TUSC3: variants seen among roughly 807,000 people sequenced by gnomAD.
TUSC3 encodes the protein tumor suppressor candidate 3, also known as dolichyl-diphosphooligosaccharide--protein glycosyltransferase subunit TUSC3.
In TUSC3, 45 loss-of-function variants were observed where a neutral mutation model predicts 44.8. That is an observed-to-expected ratio of 1.00 (90% confidence interval 0.79 to 1.29). TUSC3 has a LOEUF of 1.29. TUSC3 is among the 50% of genes most tolerant of loss of function. The pLI is 0.00. For missense variants in TUSC3, 519 were observed against 437.9 expected (o/e 1.19, Z -1.65); for synonymous variants, 212 against 152.9 (o/e 1.39, Z -2.85).
chr8:15,794,338 C>G, the TUSC3 span, among the ~76,000 whole-genome samples: 1 of 152,068 alleles, frequency 6.6e-6, no homozygotes, highest in African/African-American at 2.4e-5. Context: ...AGAGGGGTGA[C>G]TGTTGGGCCT....
rs894065474 is a variant in TUSC3, at chr8:15,503,931, C to A, written n.189+20448C>A. 1.3e-5 allele frequency among the ~76,000 whole-genome samples: 2 copies of A among 149,338 alleles called. 1 individual carries two copies. The highest frequency in any genetic ancestry group is 4.3e-4 in the South Asian group (2 of 4,690). On this transcript the variant is annotated intron_variant and non_coding_transcript_variant, in intron 2 of 5. Transcript: ENST00000503191. ...TTGGGAGGCTGAGGCACAAGAATTGCTTGAACAGGGGAGGTGGAGTTGCAG... is the reference window on the plus strand; with the variant it reads ...TTGGGAGGCTGAGGCACAAGAATTGATTGAACAGGGGAGGTGGAGTTGCAG...
chr8:15,474,018 C>A (rs921780171), intron 1 of TUSC3, among the ~76,000 whole-genome samples: 14 of 152,084 alleles, frequency 9.2e-5, no homozygotes, highest in African/African-American at 3.4e-4. Context: ...ACTCCCAGAG[C>A]AACTGTTTAT....
chr8:15,747,212 A>G (rs908368334), intron 8 of TUSC3, among the ~76,000 whole-genome samples: 1 of 152,094 alleles, frequency 6.6e-6, no homozygotes, highest in African/African-American at 2.4e-5. Flanking sequence ...TATATTGGAA[A>G]AAATTTTAAA....
At chr8:15,699,645 C>T (rs938028902) in intron 6 of TUSC3, among the ~76,000 whole-genome samples, 1 of 152,030 alleles carries the variant, frequency 6.6e-6, no homozygotes, top group Admixed American at 6.6e-5. Flanking sequence ...TGACATTTTC[C>T]CTTTAATATG....
intron 2 of TUSC3, among the ~76,000 whole-genome samples, chr8:15,514,952 A>G (rs1396554916): frequency 3.3e-5 from 5 of 152,206 alleles, no homozygotes; most frequent in Admixed American, 2.6e-4. Flanking sequence ...CTGTAGGTTC[A>G]ATGCCTGACA....
In TUSC3 at chr8:15,435,048, C is replaced by A. The variant is rs915588305; in HGVS notation, n.91+17743C>A. Reference sequence around the variant, plus strand: ...TGATTTATAATCCTTTGGGTATATACCCAGTAATGGGATGGCTGGGTCAAA... The same window carrying A: ...TGATTTATAATCCTTTGGGTATATAACCAGTAATGGGATGGCTGGGTCAAA... On this transcript the variant is annotated intron_variant and non_coding_transcript_variant, in intron 1 of 5. Coordinates refer to the TUSC3 transcript ENST00000503191. Among the ~76,000 whole-genome samples, 12 of 148,088 alleles carry A rather than the reference C, an allele frequency of 8.1e-5. 1 individual carries two copies. The highest frequency in any genetic ancestry group is 3.1e-4 in the African/African-American group (12 of 38,200).
chr8:15,819,852 G>C, the TUSC3 span, among the ~76,000 whole-genome samples: 2 of 152,158 alleles, frequency 1.3e-5, no homozygotes, highest in Non-Finnish European at 2.9e-5. Flanking sequence ...TATGATAAAA[G>C]ACAGAAGTGG....
At chr8:15,512,118 T>A (rs1801145515) in intron 2 of TUSC3, among the ~76,000 whole-genome samples, 1 of 152,226 alleles carries the variant, frequency 6.6e-6, no homozygotes, top group Admixed American at 6.5e-5. Flanking sequence ...CAAAACTTAC[T>A]ATAAAGCTAT....
At chr8:15,709,653 T>C (rs1379959484) in intron 6 of TUSC3, among the ~76,000 whole-genome samples, 1 of 151,898 alleles carries the variant, frequency 6.6e-6, no homozygotes, top group East Asian at 1.9e-4. Flanking sequence ...AAATTACCTT[T>C]AATGTGTTAG....
At chr8:15,767,795 T>C (rs1412577753), downstream of TUSC3, among the ~76,000 whole-genome samples, 3 of 152,098 alleles carry the variant, frequency 2.0e-5, no homozygotes, top group Non-Finnish European at 4.4e-5. Context: ...CTTGAAAGCA[T>C]TGAAAGTAAA....
chr8:15,572,245 C>T lies in TUSC3; in HGVS notation c.138+31677C>T, dbSNP rs932425908. On this transcript the variant is annotated intron_variant, in intron 1 of 10. Coordinates refer to ENST00000503731, the MANE Select transcript of TUSC3 (RefSeq NM_006765.4). Reference sequence around the variant, plus strand: ...CTGGGTAATTTGCTGCAGCTTCTTGCAGCATAAACACTTGCTGCTTCATCT... The same window carrying T: ...CTGGGTAATTTGCTGCAGCTTCTTGTAGCATAAACACTTGCTGCTTCATCT... Among the ~76,000 whole-genome samples, 11 of 152,304 alleles carry T rather than the reference C, an allele frequency of 7.2e-5. No individual in the cohort carries two copies. In the East Asian group the frequency reaches 2.1e-3, roughly 29 times the overall value.
At chr8:15,552,321 G>T (rs1489296812) in intron 1 of TUSC3, among the ~76,000 whole-genome samples, 1 of 151,834 alleles carries the variant, frequency 6.6e-6, no homozygotes, top group South Asian at 2.1e-4. Flanking sequence ...AATACTACAT[G>T]TTAGGTAGGT....
chr8:15,846,924 A>G, the TUSC3 span, among the ~76,000 whole-genome samples: 34 of 152,092 alleles, frequency 2.2e-4, no homozygotes, highest in African/African-American at 8.0e-4. Flanking sequence ...GGGGGAATAA[A>G]TGATTCATAA....
intron 7 of TUSC3, among the ~76,000 whole-genome samples, chr8:15,731,829 G>A (rs147079421): frequency 4.6e-5 from 7 of 152,076 alleles, no homozygotes; most frequent in Middle Eastern, 3.4e-3. Flanking sequence ...AAATCTACTG[G>A]CAAAGACTTA....
At position 15,658,455 on chromosome 8, in the gene TUSC3, G is replaced by A. The variant is rs138138170; in HGVS notation, c.427-1052G>A. ...GCAGCTAAGCTTTTACTGTTGTATC[G>A]TTTGCTTGATATCAACTGTGATCTA... On this transcript the variant is annotated intron_variant, in intron 3 of 10. Coordinates refer to ENST00000503731, the MANE Select transcript of TUSC3 (RefSeq NM_006765.4). Among the ~76,000 whole-genome samples the A allele has an allele frequency of 8.8e-4, 133 of 151,946 alleles. 1 individual carries two copies. Among genetic ancestry groups the A allele is most frequent in the African/African-American group, 3.0e-3 (123 of 41,452 alleles).
chr8:15,474,427 A>C (rs1800547607), intron 1 of TUSC3, among the ~76,000 whole-genome samples: 1 of 152,148 alleles, frequency 6.6e-6, no homozygotes, highest in Non-Finnish European at 1.5e-5. Context: ...GAAACTGGTG[A>C]ATGTCCATGA....
intron 2 of TUSC3, among the ~76,000 whole-genome samples, chr8:15,520,028 T>C (rs1366978050): frequency 6.6e-6 from 1 of 152,206 alleles, no homozygotes; most frequent in East Asian, 1.9e-4. Flanking sequence ...ATGTTGTCCT[T>C]GGAGCCCCCA....
intron 3 of TUSC3, among the ~76,000 whole-genome samples, chr8:15,654,357 C>T (rs758358577): frequency 5.9e-5 from 9 of 151,958 alleles, no homozygotes; most frequent in Middle Eastern, 3.2e-3. Context: ...GTTTAAGGAA[C>T]GTTGCTAAAT....
chr8:15,650,980 C>T, intron 3 of TUSC3, 166 bp downstream of exon 3: 1 of 578,668 alleles, frequency 1.7e-6, no homozygotes, highest in South Asian at 1.7e-5. Context: ...CAGAGCAAGA[C>T]TTTTACACAC....
Sources: gnomAD v4.1 joint callset for allele counts (sites outside exome capture counted in the v4.1 genomes callset) on GRCh38, gnomAD v4.1.1 for gene constraint, MANE v1.5 for transcripts, NCBI Gene and HGNC (gene_info 2026-07-23, HGNC 2026-07-21) for gene names.